The following IFI16 variants were observed in gnomAD, a reference collection of about 807,000 sequenced individuals.
IFI16 encodes interferon gamma inducible protein 16.
In IFI16, 49 loss-of-function variants were observed where a neutral mutation model predicts 68.4. The observed-to-expected ratio is 0.72, with a 90% CI of 0.57 to 0.91. IFI16 has a LOEUF of 0.91. Among genes scored for constraint, IFI16 ranks in the 40% least tolerant of loss-of-function variants. The pLI is 0.00. For synonymous variants in IFI16, 307 were observed against 315.0 expected (o/e 0.97, Z 0.27); for missense variants, 878 against 942.9 (o/e 0.93, Z 0.90).
At chr1:159,017,660 T>A (rs974959844) in intron 4 of IFI16, among the ~76,000 whole-genome samples, 4 of 152,056 alleles carry the variant, frequency 2.6e-5, no homozygotes, top group Non-Finnish European at 5.9e-5. Flanking sequence ...CAGGCTGAAG[T>A]GCCGTGGCAT....
intron 6 of IFI16, among the ~76,000 whole-genome samples, chr1:159,025,514 A>AT (rs1653610357): frequency 6.6e-6 from 1 of 151,958 alleles, no homozygotes; most frequent in African/African-American, 2.4e-5. Flanking sequence ...ACTCATTTTA[A>AT]TTTTTTATAT....
chr1:159,045,783 A>G (rs1211433358), intron 8 of IFI16, among the ~76,000 whole-genome samples: 1 of 151,302 alleles, frequency 6.6e-6, no homozygotes, highest in Non-Finnish European at 1.5e-5. Context: ...AACAGAGCCA[A>G]CCATAACACT....
chr1:159,025,898 A>T (rs1242920921), intron 6 of IFI16, among the ~76,000 whole-genome samples: 1 of 152,154 alleles, frequency 6.6e-6, no homozygotes, highest in East Asian at 1.9e-4. Context: ...TAGCTTGCCA[A>T]TTATCCCAGC....
At chr1:159,017,463 T>A (rs908897268) in intron 4 of IFI16, among the ~76,000 whole-genome samples, 1 of 152,132 alleles carries the variant, frequency 6.6e-6, no homozygotes, top group African/African-American at 2.4e-5. Context: ...TTTTCATTTT[T>A]TTTTTATTTT....
In IFI16 at chr1:159,026,602, A is replaced by G. The variant is rs139345683; in HGVS notation, c.1162-5922A>G. On this transcript the variant is annotated intron_variant, in intron 6 of 11. Coordinates refer to ENST00000295809, the MANE Select transcript of IFI16 (RefSeq NM_001376587.1). ...GTGTGAGCCACTGCGCCCGGCCAATATGGTCATTTTCACGATATTGATTCT... is the reference window on the plus strand; with the variant it reads ...GTGTGAGCCACTGCGCCCGGCCAATGTGGTCATTTTCACGATATTGATTCT... Among the ~76,000 whole-genome samples, 827 of 152,108 alleles carry G rather than the reference A, an allele frequency of 5.4e-3. 8 individuals carry two copies. The highest frequency in any genetic ancestry group is 0.012 in the South Asian group (57 of 4,814).
intron 10 of IFI16, chr1:159,052,902 T>G (rs1482836966): frequency 6.6e-6 from 1 of 152,284 alleles, no homozygotes; most frequent in Non-Finnish European, 1.5e-5. Context: ...TCTTCTAGGG[T>G]GGCTTACTTT....
chr1:159,045,069 A>G (rs1391128556), intron 7 of IFI16, among the ~76,000 whole-genome samples: 2 of 151,960 alleles, frequency 1.3e-5, no homozygotes, highest in African/African-American at 4.8e-5. Context: ...CCATCCCCAG[A>G]CAATGCAATT....
At chr1:159,013,657 A>G (rs1652726549) in intron 1 of IFI16, among the ~76,000 whole-genome samples, 1 of 152,204 alleles carries the variant, frequency 6.6e-6, no homozygotes, top group African/African-American at 2.4e-5. Flanking sequence ...CTACCATGAG[A>G]CAAAGCCTCA....
intron 6 of IFI16, among the ~76,000 whole-genome samples, chr1:159,024,798 GAAAA>G (rs372228916): frequency 1.3e-5 from 2 of 151,878 alleles, no homozygotes; most frequent in East Asian, 3.9e-4. Flanking sequence ...AATAACAAAA[GAAAA>G]AAATATATAA....
At chr1:159,044,030 A>ATGC (rs1654827269) in intron 7 of IFI16, among the ~76,000 whole-genome samples, 4 of 152,194 alleles carry the variant, frequency 2.6e-5, no homozygotes, top group African/African-American at 9.7e-5. Flanking sequence ...CGGAGCAGAC[A>ATGC]TGCAAACCCC....
chr1:159,047,534 C>G (rs1655070706), intron 8 of IFI16, among the ~76,000 whole-genome samples: 1 of 150,142 alleles, frequency 6.7e-6, no homozygotes, highest in Non-Finnish European at 1.5e-5. Context: ...CCTTGCCTGC[C>G]TAAATATGCA....
At position 159,018,389 on chromosome 1, in the gene IFI16, C is replaced by T. The variant is rs768805639; in HGVS notation, c.710C>T (p.Thr237Ile). 4 of 1,614,150 alleles carry T rather than the reference C, an allele frequency of 2.5e-6. No individual in the cohort carries two copies. In the Admixed American group the frequency reaches 5.0e-5, roughly 20 times the overall value. Residue 237 changes from threonine to isoleucine, a missense_variant, in exon 5 of 12, where the codon ACA becomes ATA. Transcript: ENST00000295809. ...IMFHATVATQTQFFHVKVLNT... is the reference protein window; with the variant it reads ...IMFHATVATQIQFFHVKVLNT... ...TTTCATGCTACAGTGGCTACACAGA[C>T]ACAGTTCTTCCATGTGAAGGTTTTA...
At chr1:159,042,262 A>T (rs1654694257) in intron 7 of IFI16, among the ~76,000 whole-genome samples, 1 of 152,174 alleles carries the variant, frequency 6.6e-6, no homozygotes, top group African/African-American at 2.4e-5. Context: ...TTTTGATTGG[A>T]AACCCAAAGC....
rs1654055158 is a variant in IFI16 at position 159,032,470 on chromosome 1, T to C, written c.1162-54T>C. ...GATGATATTCTCACAAATGAAAAGA[T>C]GTTGTGCTTCCTCTAATATTGAAAA... On this transcript the variant is annotated intron_variant, in intron 6 of 11. Transcript: ENST00000295809. 1.2e-5 allele frequency: 13 copies of C among 1,085,888 alleles called. No individual in the cohort carries two copies. The South Asian group carries it at 2.1e-4, about 18-fold the overall frequency. 67.3% of individuals were successfully genotyped at this position (1,085,888 alleles called of 1,614,324 possible).
chr1:159,006,937 G>A (rs1652282436), upstream of IFI16, among the ~76,000 whole-genome samples: 1 of 152,224 alleles, frequency 6.6e-6, no homozygotes, highest in Non-Finnish European at 1.5e-5. Flanking sequence ...TTATAGAATT[G>A]AATTGGCCTT....
At chr1:159,025,559 A>G (rs949690254) in intron 6 of IFI16, among the ~76,000 whole-genome samples, 2 of 151,992 alleles carry the variant, frequency 1.3e-5, no homozygotes, top group African/African-American at 4.8e-5. Flanking sequence ...TGAGTTCCTC[A>G]TAGATTCTGG....
chr1:159,025,350 T>C (rs1452158183), intron 6 of IFI16, among the ~76,000 whole-genome samples: 1 of 152,234 alleles, frequency 6.6e-6, no homozygotes, highest in Non-Finnish European at 1.5e-5. Flanking sequence ...AACACCATTT[T>C]ATATTTGACT....
chr1:159,013,142 A>G (rs1045395816), intron 1 of IFI16, among the ~76,000 whole-genome samples: 1 of 128,348 alleles, frequency 7.8e-6, no homozygotes, highest in East Asian at 2.2e-4. Flanking sequence ...AAGGATCCTC[A>G]TGTTCTCGTA....
At chr1:159,039,275 G>T (rs1177174496) in intron 7 of IFI16, among the ~76,000 whole-genome samples, 3 of 152,140 alleles carry the variant, frequency 2.0e-5, no homozygotes, top group Non-Finnish European at 4.4e-5. Context: ...CCAGAGAGAT[G>T]ACAGTGAGAA....
Sources: allele counts gnomAD v4.1 joint callset (sites outside exome capture counted in the v4.1 genomes callset), GRCh38; gene constraint gnomAD v4.1.1; transcripts MANE v1.5; gene names NCBI Gene and HGNC (gene_info 2026-07-23, HGNC 2026-07-21).